ACTR3B: variants seen among roughly 807,000 people sequenced by gnomAD.
ACTR3B encodes actin related protein 3B.
In ACTR3B, 8 loss-of-function variants were observed where a neutral mutation model predicts 59.0. That is an observed-to-expected ratio of 0.14 (90% CI 0.08 to 0.24). The LOEUF (loss-of-function observed/expected upper bound fraction) is 0.24. ACTR3B is among the 10% of genes least tolerant of loss of function. ACTR3B has a pLI of 1.00. For synonymous variants in ACTR3B, 148 were observed against 197.9 expected, an observed-to-expected ratio of 0.75 and a Z score of 2.12; for missense variants, 245 against 552.3, an observed-to-expected ratio of 0.44 and a Z score of 5.58.
chr7:152,841,866 T>C (rs895359009), intron 9 of ACTR3B, among the ~76,000 whole-genome samples: 6 of 152,238 alleles, frequency 3.9e-5, no homozygotes, highest in African/African-American at 9.6e-5. Flanking sequence ...CTTGGTATTA[T>C]GTTGCTCTGT....
At chr7:152,779,273 G>T (rs2098144286) in intron 1 of ACTR3B, among the ~76,000 whole-genome samples, 1 of 151,954 alleles carries the variant, frequency 6.6e-6, no homozygotes, top group Admixed American at 6.6e-5. Flanking sequence ...CAGCCCCTGG[G>T]AATCTGTTTC....
intron 5 of ACTR3B, among the ~76,000 whole-genome samples, chr7:152,814,902 G>A (rs914594028): frequency 7.9e-5 from 12 of 152,098 alleles, no homozygotes; most frequent in African/African-American, 2.7e-4. Flanking sequence ...TTTTATCTGG[G>A]TGACAAGATA....
intron 2 of ACTR3B, among the ~76,000 whole-genome samples, chr7:152,798,194 A>G (rs2098223950): frequency 6.6e-6 from 1 of 151,538 alleles, no homozygotes; most frequent in Non-Finnish European, 1.5e-5. Flanking sequence ...CATCACCAAC[A>G]CTTACTATCT....
At chr7:152,810,155 G>A (rs1795093528) in intron 4 of ACTR3B, among the ~76,000 whole-genome samples, 1 of 152,090 alleles carries the variant, frequency 6.6e-6, no homozygotes, top group African/African-American at 2.4e-5. Context: ...TGCCCAGGCT[G>A]GAGTACAGTG....
chr7:152,785,557 A>G, intron 2 of ACTR3B, among the ~76,000 whole-genome samples: 1 of 143,764 alleles, frequency 7.0e-6, no homozygotes, highest in Non-Finnish European at 1.5e-5. Flanking sequence ...CCAGGAGTCA[A>G]GGTTAGAAGA....
chr7:152,799,547 A>G (rs1193386784), intron 2 of ACTR3B, among the ~76,000 whole-genome samples: 2 of 148,626 alleles, frequency 1.3e-5, no homozygotes, highest in Non-Finnish European at 3.0e-5. Flanking sequence ...AGAGCCTCCC[A>G]CTGGAGAGAC....
At chr7:152,775,305 A>G (rs1338432588) in intron 1 of ACTR3B, among the ~76,000 whole-genome samples, 1 of 151,998 alleles carries the variant, frequency 6.6e-6, no homozygotes, top group Non-Finnish European at 1.5e-5. Flanking sequence ...CTTAAGACAC[A>G]TGGTTGGAAG....
At chr7:152,765,267 G>A (rs948376584) in intron 1 of ACTR3B, among the ~76,000 whole-genome samples, 58 of 151,808 alleles carry the variant, frequency 3.8e-4, no homozygotes, top group African/African-American at 1.2e-3. Context: ...ACAGGCATGC[G>A]CCACTATGCC....
intron 9 of ACTR3B, among the ~76,000 whole-genome samples, chr7:152,828,323 G>A (rs548201814): frequency 7.2e-5 from 11 of 152,078 alleles, no homozygotes; most frequent in African/African-American, 2.7e-4. Flanking sequence ...TAGGGCTCCT[G>A]CTGACTTGGT....
intron 10 of ACTR3B, 110 bp downstream of exon 10, chr7:152,852,361 C>A: frequency 7.4e-7 from 1 of 1,358,312 alleles, no homozygotes; most frequent in Non-Finnish European, 9.8e-7. Flanking sequence ...AAAATAAAAA[C>A]AAGTGTTCAT....
At chr7:152,822,313 T>C (rs1796234520) in intron 7 of ACTR3B, among the ~76,000 whole-genome samples, 1 of 152,218 alleles carries the variant, frequency 6.6e-6, no homozygotes, top group Admixed American at 6.5e-5. Flanking sequence ...CAGCGCCAGC[T>C]GGGCGGCCCA....
chr7:152,827,548 A>G (rs1796672425), intron 9 of ACTR3B, among the ~76,000 whole-genome samples: 1 of 151,400 alleles, frequency 6.6e-6, no homozygotes. Flanking sequence ...GCAAAGGTTT[A>G]TTTCTTTGCA....
chr7:152,776,640 ACTT>A (rs2098136817), intron 1 of ACTR3B, among the ~76,000 whole-genome samples: 2 of 152,226 alleles, frequency 1.3e-5, no homozygotes, highest in Admixed American at 6.5e-5. Flanking sequence ...ATGAAATCCT[ACTT>A]CTTTTGAATT....
intron 9 of ACTR3B, among the ~76,000 whole-genome samples, chr7:152,849,210 T>A (rs1481966572): frequency 2.0e-5 from 3 of 152,216 alleles, no homozygotes; most frequent in Non-Finnish European, 4.4e-5. Context: ...CCAGGTATTT[T>A]ATTCAGTGTG....
At chr7:152,851,250 C>T (rs1372559327) in intron 9 of ACTR3B, among the ~76,000 whole-genome samples, 1 of 152,198 alleles carries the variant, frequency 6.6e-6, no homozygotes, top group East Asian at 1.9e-4. Context: ...TAAATGTGGT[C>T]TCTCTCTGTC....
intron 1 of ACTR3B, among the ~76,000 whole-genome samples, chr7:152,770,063 A>T (rs1338912769): frequency 6.6e-6 from 1 of 152,070 alleles, no homozygotes; most frequent in Non-Finnish European, 1.5e-5. Context: ...TGTAGCATTG[A>T]TTTTACCATA....
intron 2 of ACTR3B, among the ~76,000 whole-genome samples, chr7:152,789,014 G>A (rs532955319): frequency 2.8e-5 from 4 of 143,770 alleles, no homozygotes; most frequent in Admixed American, 7.2e-5. Flanking sequence ...AGAACCAGAC[G>A]CTGTCTCAAA....
chr7:152,810,290 A>G (rs1352303377), intron 4 of ACTR3B, among the ~76,000 whole-genome samples: 1 of 152,048 alleles, frequency 6.6e-6, no homozygotes, highest in Non-Finnish European at 1.5e-5. Flanking sequence ...TATTTTTAGC[A>G]GAGATGGGGT....
At chr7:152,787,437 T>A (rs1364161903) in intron 2 of ACTR3B, among the ~76,000 whole-genome samples, 1 of 152,038 alleles carries the variant, frequency 6.6e-6, no homozygotes, top group African/African-American at 2.4e-5. Context: ...CATCTAGAAA[T>A]TTAAAATTTT....
Sources: allele counts gnomAD v4.1 joint callset (sites outside exome capture counted in the v4.1 genomes callset), GRCh38; gene constraint gnomAD v4.1.1; transcripts MANE v1.5; gene names NCBI Gene and HGNC (gene_info 2026-07-23, HGNC 2026-07-21).